KANSL2: variants seen among roughly 807,000 people sequenced by gnomAD.
KANSL2 encodes the protein NSL complex protein NSL2.
A neutral mutation model predicts 55.6 loss-of-function variants in KANSL2; 34 were observed. The ratio of observed to expected loss-of-function variants is 0.61; its 90% CI spans 0.46 to 0.81. The LOEUF (loss-of-function observed/expected upper bound fraction) is 0.81. Ranked by LOEUF, KANSL2 falls within the 40% of genes least tolerant of loss-of-function variation. The pLI is 0.00. For missense variants in KANSL2, 502 were observed against 609.9 expected, an observed-to-expected ratio of 0.82 and a Z score of 1.86; for synonymous variants, 209 against 214.3, an observed-to-expected ratio of 0.98 and a Z score of 0.22.
At chr12:48,670,579 G>T (rs901702959) in intron 5 of KANSL2, among the ~76,000 whole-genome samples, 15 of 151,974 alleles carry the variant, frequency 9.9e-5, no homozygotes, top group African/African-American at 3.6e-4. Context: ...AAGCTTATAG[G>T]GATATAAAAA....
chr12:48,681,439 G>A lies in KANSL2; in HGVS notation c.194C>T (p.Ser65Leu), dbSNP rs747677663. 6.2e-7 allele frequency: 1 copy of A among 1,613,770 alleles called. No homozygotes were observed. Among genetic ancestry groups the A allele is most frequent in the Admixed American group, 1.7e-5 (1 of 59,978 alleles). ...NAPFKQCSYI[S>L]TKNGKRCPNA... ...GGGACATCTTTTTCCATTCTTCGTC[G>A]ATATATAACTACACTGCTTGAAGGG... The change falls in exon 2 of 10, where the codon TCG (serine) becomes TTG (leucine). Residue 65 changes from serine to leucine, a missense_variant. Physicochemically the swap from Ser to Leu is moderately radical, Grantham distance 145. Transcript: ENST00000420613.
chr12:48,671,800 T>C lies in KANSL2; in HGVS notation c.708A>G (p.Leu236=), dbSNP rs764384613. The C allele has an allele frequency of 6.8e-6, 11 of 1,608,026 alleles. No individual in the cohort carries two copies. The highest frequency in any genetic ancestry group is 8.5e-6 in the Non-Finnish European group (10 of 1,177,374). The change falls in exon 5 of 10, where the codon CTA becomes CTG. Residue 236 remains leucine (L), a splice_region_variant and synonymous_variant. Coordinates refer to ENST00000420613, the MANE Select transcript of KANSL2 (RefSeq NM_017822.4). ...TGTTGGAACTGGCATAAAACTTGCC[T>C]AGAGCTTCATGTTCCACTTTGCGAT... is the stretch of plus-strand genomic sequence containing the variant. The part of the protein sequence containing the change: ...LHNRKVEHEA[L]GSSLLTGPEG...
In KANSL2 at chr12:48,666,447, C is replaced by T. The variant is rs550424778; in HGVS notation, c.973+1246G>A. On this transcript the variant is annotated intron_variant, in intron 7 of 9. Transcript: ENST00000420613. Reference sequence around the variant, plus strand: ...GTGGCTCATGCCTGTAATCCCAACACTTTGGGAGGCCGAGGCAGGCAGATC... The same window carrying T: ...GTGGCTCATGCCTGTAATCCCAACATTTTGGGAGGCCGAGGCAGGCAGATC... Among the ~76,000 whole-genome samples the T allele has an allele frequency of 2.0e-5, 3 of 150,640 alleles. No homozygotes were observed. The East Asian group carries it at 5.8e-4, about 29-fold the overall frequency.
intron 4 of KANSL2, among the ~76,000 whole-genome samples, chr12:48,674,203 C>A (rs553279821): frequency 2.6e-5 from 4 of 152,144 alleles, no homozygotes; most frequent in African/African-American, 9.7e-5. Flanking sequence ...TGAAGTGGCA[C>A]AATGTTGGCT....
Position 48,653,880 on chromosome 12 carries a change from C to T in KANSL2, c.*164G>A, listed in dbSNP as rs1462556258. 1.4e-5 allele frequency: 8 copies of T among 556,984 alleles called. No homozygotes were observed. The highest frequency in any genetic ancestry group is 3.2e-5 in the East Asian group (1 of 30,846). The allele number at this position is 556,984 out of a possible 1,614,324, so 34.5% of individuals were successfully genotyped here. A position where few individuals can be genotyped will look rare whatever the true frequency, so the allele number is the denominator to read the frequency against. On this transcript the variant is annotated 3_prime_UTR_variant, in exon 10 of 10. Transcript: ENST00000420613. ...CTTGCCCTGAGTGGGAAGAAACCCA[C>T]GGTCCACGTCCTCAAAATTTGGCTT...
At chr12:48,677,231 A>T (rs766064265) in intron 4 of KANSL2, among the ~76,000 whole-genome samples, 4 of 152,178 alleles carry the variant, frequency 2.6e-5, no homozygotes, top group African/African-American at 4.8e-5. Flanking sequence ...AGAGAGTGAC[A>T]TCAACTGCCT....
chr12:48,681,056 G>T (rs965255260), intron 2 of KANSL2, among the ~76,000 whole-genome samples: 4 of 149,964 alleles, frequency 2.7e-5, no homozygotes. Flanking sequence ...CGAGATGGGA[G>T]GATACCTTGA....
intron 8 of KANSL2, among the ~76,000 whole-genome samples, chr12:48,656,367 G>C (rs1231954089): frequency 6.6e-6 from 1 of 150,806 alleles, no homozygotes; most frequent in East Asian, 1.9e-4. Context: ...TCCGCCTCCT[G>C]GGTTCAAGTG....
chr12:48,666,441 C>A (rs893723560), intron 7 of KANSL2, among the ~76,000 whole-genome samples: 13 of 151,710 alleles, frequency 8.6e-5, no homozygotes, highest in Non-Finnish European at 1.8e-4. Context: ...GCCTGTAATC[C>A]CAACACTTTG....
At position 48,654,557 on chromosome 12, in the gene KANSL2, A is replaced by C. The variant is rs772135606; in HGVS notation, c.1348-382T>G. On this transcript the variant is annotated intron_variant, in intron 9 of 9. Coordinates refer to ENST00000420613, the MANE Select transcript of KANSL2 (RefSeq NM_017822.4). ...AAGGCTCACGGACAGAACTCAAATC[A>C]CATTACTTTACTGGTCCTTCTACAA... The C allele has an allele frequency of 1.3e-5, 8 of 601,902 alleles. No individual in the cohort carries two copies. In the East Asian group the frequency reaches 3.4e-4, roughly 26 times the overall value. 37.3% of individuals were successfully genotyped at this position (601,902 alleles called of 1,614,324 possible).
chr12:48,674,464 A>G (rs1055683089), intron 4 of KANSL2, among the ~76,000 whole-genome samples: 3 of 152,230 alleles, frequency 2.0e-5, no homozygotes, highest in Non-Finnish European at 4.4e-5. Context: ...CTTTATTTTT[A>G]AAAACTAGCT....
chr12:48,673,883 G>A (rs1939773829), intron 4 of KANSL2, among the ~76,000 whole-genome samples: 1 of 148,504 alleles, frequency 6.7e-6, no homozygotes. Context: ...CCTGGGAGTG[G>A]GAGGCTGCAG....
chr12:48,655,568 C>A (rs200332389), intron 8 of KANSL2, among the ~76,000 whole-genome samples: 24 of 143,592 alleles, frequency 1.7e-4, no homozygotes, highest in African/African-American at 2.1e-4. Context: ...GACCCTGTCT[C>A]AAAAAAAAAA....
At chr12:48,669,987 G>T (rs547290944) in intron 5 of KANSL2, among the ~76,000 whole-genome samples, 2 of 152,126 alleles carry the variant, frequency 1.3e-5, no homozygotes, top group South Asian at 4.2e-4. Context: ...CAGATCACCA[G>T]ATCAGGAGAT....
intron 2 of KANSL2, 118 bp downstream of exon 2, chr12:48,681,264 C>G: frequency 8.1e-7 from 1 of 1,235,494 alleles, no homozygotes; most frequent in Non-Finnish European, 1.1e-6. Context: ...AAGGATACAA[C>G]CATAACCCCA....
intron 4 of KANSL2, among the ~76,000 whole-genome samples, chr12:48,676,978 T>G (rs539594939): frequency 4.7e-4 from 72 of 152,104 alleles, no homozygotes; most frequent in Non-Finnish European, 5.3e-4. Context: ...TGAAAAGAAT[T>G]TTACTCAGTG....
chr12:48,673,272 A>G (rs1939760534), intron 4 of KANSL2, among the ~76,000 whole-genome samples: 1 of 152,114 alleles, frequency 6.6e-6, no homozygotes, highest in Non-Finnish European at 1.5e-5. Flanking sequence ...AACTAAAAGA[A>G]TATCTGGCCA....
rs1939873950 is a variant in KANSL2, at chr12:48,679,042, G to A, written c.539C>T (p.Pro180Leu). 1 of 1,609,848 alleles carries A rather than the reference G, an allele frequency of 6.2e-7. No individual in the cohort carries two copies. The highest frequency in any genetic ancestry group is 8.5e-7 in the Non-Finnish European group (1 of 1,176,294). The change falls in exon 4 of 10, where the codon CCC (proline) becomes CTC (leucine). Residue 180 changes from proline to leucine, a missense_variant. By Grantham distance (98) the Pro-to-Leu change is moderately conservative. Coordinates refer to ENST00000420613, the MANE Select transcript of KANSL2 (RefSeq NM_017822.4). The part of the protein sequence containing the change: ...ADSIDSDQED[P>L]LKHAGVYTAE... Reference sequence around the variant, plus strand: ...ATGTGGAGTTACAACTTACTTTAGGGGATCTTCTTGATCACTGTCTATGCT... The same window carrying A: ...ATGTGGAGTTACAACTTACTTTAGGAGATCTTCTTGATCACTGTCTATGCT...
chr12:48,679,128 C>G lies in KANSL2; in HGVS notation c.453G>C (p.Gly151=). The G allele has an allele frequency of 6.2e-7, 1 of 1,613,656 alleles. No homozygotes were observed. Among genetic ancestry groups the G allele is most frequent in the Non-Finnish European group, 8.5e-7 (1 of 1,179,704 alleles). The change falls in exon 4 of 10, where the codon GGG becomes GGC. Residue 151 remains glycine (G), a synonymous_variant. Coordinates refer to ENST00000420613, the MANE Select transcript of KANSL2 (RefSeq NM_017822.4). ...RILDEDSWSD[G]EQEPITVDQT... ...GATCCACAGTAATGGGTTCCTGCTCCCCATCACTCCAGCTGTCTTCATCTG... is the reference window on the plus strand; with the variant it reads ...GATCCACAGTAATGGGTTCCTGCTCGCCATCACTCCAGCTGTCTTCATCTG...
Sources: gnomAD v4.1 joint callset for allele counts (sites outside exome capture counted in the v4.1 genomes callset) on GRCh38, gnomAD v4.1.1 for gene constraint, MANE v1.5 for transcripts, NCBI Gene and HGNC (gene_info 2026-07-23, HGNC 2026-07-21) for gene names.